Variants in PDE4A observed in about 807,000 individuals in gnomAD.
PDE4A encodes the protein phosphodiesterase 4A.
PDE4A carries 21 observed loss-of-function variants against 73.9 expected under a neutral mutation model. The observed-to-expected ratio is 0.28, with a 90% confidence interval of 0.20 to 0.41. The LOEUF is 0.41. Among genes scored for constraint, PDE4A ranks in the 10% least tolerant of loss-of-function variants. PDE4A has a pLI of 1.00. For synonymous variants in PDE4A, 463 were observed against 505.4 expected, an observed-to-expected ratio of 0.92 and a Z score of 1.13; for missense variants, 958 against 1,211.4, an observed-to-expected ratio of 0.79 and a Z score of 3.10.
chr19:10,424,517 T>A lies in PDE4A; in HGVS notation c.320+3433T>A, dbSNP rs2042689400. 1.3e-5 allele frequency among the ~76,000 whole-genome samples: 2 copies of A among 152,262 alleles called. No homozygotes were observed. The highest frequency in any genetic ancestry group is 4.8e-5 in the African/African-American group (2 of 41,472). ...CGACGAGGAAGGCACAGCCTGGGTG[T>A]GCGCTCCGAGCGCGGACCTGCTCCA... On this transcript the variant is annotated intron_variant, in intron 1 of 14. Coordinates refer to ENST00000380702, the MANE Select transcript of PDE4A (RefSeq NM_001111307.2). The surrounding 1 kb of genome is among the most constrained non-coding windows in gnomAD (Gnocchi z 4.8).
chr19:10,464,388 G>T (rs758265871), intron 14 of PDE4A: 7 of 455,194 alleles, frequency 1.5e-5, no homozygotes, highest in Non-Finnish European at 3.1e-5. Context: ...GAGCCACTGC[G>T]CCCAGCCTCC....
At chr19:10,446,817 C>G (rs919465150) in intron 2 of PDE4A, among the ~76,000 whole-genome samples, 38 of 152,090 alleles carry the variant, frequency 2.5e-4, no homozygotes, top group Non-Finnish European at 4.7e-4. Context: ...TGGTCTCAAA[C>G]TCCTGACCTC....
At chr19:10,440,811 G>A (rs898757309) in intron 1 of PDE4A, among the ~76,000 whole-genome samples, 2 of 151,850 alleles carry the variant, frequency 1.3e-5, no homozygotes, top group South Asian at 4.2e-4. Context: ...TGTTAGCCAG[G>A]ATGGGCTCGA....
In PDE4A at chr19:10,461,048, T is replaced by C; in HGVS notation, c.1410T>C (p.Ala470=). The C allele has an allele frequency of 1.2e-6, 2 of 1,613,814 alleles. No individual in the cohort carries two copies. The highest frequency in any genetic ancestry group is 1.7e-6 in the Non-Finnish European group (2 of 1,179,748). ...AGATTCTCGCCGCCCTCTTCGCGGC[T>C]GCCATCCACGATGTGGATCACCCTG... The part of the protein sequence containing the change: ...DLEILAALFA[A]AIHDVDHPGV... The change falls in exon 11 of 15, where the codon GCT becomes GCC. Residue 470 remains alanine (A), a synonymous_variant. Transcript: ENST00000380702.
chr19:10,442,528 ACAAAACAAAG>A (rs1447261168), intron 1 of PDE4A, among the ~76,000 whole-genome samples: 1 of 151,486 alleles, frequency 6.6e-6, no homozygotes, highest in Admixed American at 6.6e-5. Flanking sequence ...TGTCTCAAAA[ACAAAACAAAG>A]CAAAACAAAA....
At chr19:10,455,237 C>T (rs998555675) in intron 7 of PDE4A, among the ~76,000 whole-genome samples, 7 of 151,950 alleles carry the variant, frequency 4.6e-5, no homozygotes, top group Non-Finnish European at 7.4e-5. Flanking sequence ...CTGAGGCAGG[C>T]GGATCACTTG....
At chr19:10,419,056 CTTTTTT>C (rs977830124), upstream of PDE4A, 5,068 of 816,412 alleles carry the variant, frequency 6.2e-3, 153 homozygotes, top group African/African-American at 0.14. Flanking sequence ...GACCGGCAGT[CTTTTTT>C]TTTTTTTTTT....
chr19:10,430,234 C>T (rs529503428), intron 1 of PDE4A, among the ~76,000 whole-genome samples: 1 of 152,000 alleles, frequency 6.6e-6, no homozygotes, highest in East Asian at 1.9e-4. Context: ...TTGGGGGCAT[C>T]CCTGGCATTT....
At chr19:10,417,622 G>C, upstream of PDE4A, 1 of 1,547,200 alleles carries the variant, frequency 6.5e-7, no homozygotes, top group Admixed American at 1.9e-5. Context: ...GAGCTTCCCA[G>C]CCAGGCCACG....
intron 1 of PDE4A, chr19:10,432,311 C>A: frequency 8.2e-7 from 1 of 1,225,484 alleles, no homozygotes; most frequent in Non-Finnish European, 1.0e-6. Flanking sequence ...CTGGGGGGGT[C>A]ACCAGAGGCG....
At chr19:10,442,749 T>G (rs894338894) in intron 1 of PDE4A, among the ~76,000 whole-genome samples, 1 of 149,202 alleles carries the variant, frequency 6.7e-6, no homozygotes, top group African/African-American at 2.4e-5. Flanking sequence ...ACCTTATTAC[T>G]ATTATTACAT....
chr19:10,469,445 C>T lies in PDE4A; in HGVS notation c.*1824C>T, dbSNP rs1464878595. On this transcript the variant is annotated 3_prime_UTR_variant, in exon 15 of 15. Coordinates refer to ENST00000380702, the MANE Select transcript of PDE4A (RefSeq NM_001111307.2). ...GGCTGGGCAGAGCCTGTCCCCTCCCCCCTTCTCCAGGAGCCAGGGGGTGAC... is the reference window on the plus strand; with the variant it reads ...GGCTGGGCAGAGCCTGTCCCCTCCCTCCTTCTCCAGGAGCCAGGGGGTGAC... The T allele has an allele frequency of 6.6e-6, 1 of 152,288 alleles. No individual in the cohort carries two copies. The highest frequency in any genetic ancestry group is 2.4e-5 in the African/African-American group (1 of 41,406). The allele number at this position is 152,288 out of a possible 1,614,324, so 9.4% of individuals were successfully genotyped here.
At chr19:10,419,043 G>A (rs2042613838), upstream of PDE4A, 2 of 798,906 alleles carry the variant, frequency 2.5e-6, no homozygotes, top group African/African-American at 1.9e-5. Context: ...TGTGGGGGTT[G>A]AAGACCGGCA....
Position 10,446,790 on chromosome 19 carries a change from C to T in PDE4A, c.512+381C>T, listed in dbSNP as rs1195793125. ...TGTATTTTTAGTAGAGACAGGGTTT[C>T]ACCATGTTGGCCAGGCTGGTCTCAA... On this transcript the variant is annotated intron_variant, in intron 2 of 14. Transcript: ENST00000380702. 4.0e-5 allele frequency among the ~76,000 whole-genome samples: 6 copies of T among 151,490 alleles called. No homozygotes were observed. In the East Asian group the frequency reaches 7.8e-4, roughly 20 times the overall value.
Position 10,458,062 on chromosome 19 carries a change from G to A in PDE4A, c.1061G>A (p.Arg354Gln), listed in dbSNP as rs1269711202. The stretch of plus-strand genomic sequence containing the variant: ...AGCCTGAACAACTCTAACATTCCCC[G>A]ATTTGGGGTGAAGACCGATCAAGAA... ...SNSLNNSNIP[R>Q]FGVKTDQEEL... The change falls in exon 8 of 15, where the codon CGA becomes CAA. Residue 354 changes from arginine (R) to glutamine (Q), a missense_variant. Arg to Gln is a conservative substitution (Grantham distance 43). Coordinates refer to ENST00000380702, the MANE Select transcript of PDE4A (RefSeq NM_001111307.2). The surrounding 1 kb of genome is among the most constrained non-coding windows in gnomAD (Gnocchi z 4.6). 8.7e-6 allele frequency: 14 copies of A among 1,613,708 alleles called. No individual in the cohort carries two copies. The South Asian group carries it at 9.9e-5, about 11-fold the overall frequency.
intron 7 of PDE4A, among the ~76,000 whole-genome samples, chr19:10,457,402 T>TC (rs1401157107): frequency 8.4e-6 from 1 of 119,726 alleles, no homozygotes; most frequent in Non-Finnish European, 1.6e-5. Flanking sequence ...CCTGGGGCTG[T>TC]CCCCCAGGCA....
At chr19:10,419,298 A>C (rs1277837178), upstream of PDE4A, among the ~76,000 whole-genome samples, 2 of 15,760 alleles carry the variant, frequency 1.3e-4, no homozygotes, top group East Asian at 1.4e-3. Context: ...GGGGGGGTTG[A>C]GGGGGATGGG....
intron 1 of PDE4A, chr19:10,432,579 G>T: frequency 6.6e-7 from 1 of 1,517,196 alleles, no homozygotes; most frequent in Non-Finnish European, 8.8e-7. Context: ...CAGGTGGGTG[G>T]CCCGTGGCCA....
In PDE4A at chr19:10,420,774, C is replaced by G. The variant is rs773511169; in HGVS notation, c.10C>G (p.Pro4Ala). Reference protein sequence around the residue: MEPPTVPSERSLSL... With the variant: MEPATVPSERSLSL... ...AGTGGGGGCCGGCGCCATGGAACCC[C>G]CGACCGTCCCCTCGGAAAGGAGCCT... Residue 4 changes from proline (P) to alanine (A), a missense_variant, in exon 1 of 15, where the codon CCG (proline) becomes GCG (alanine). Pro to Ala is a conservative substitution (Grantham distance 27). Transcript: ENST00000380702. The surrounding 1 kb of genome is among the most constrained non-coding windows in gnomAD (Gnocchi z 6.0). 156 of 1,571,064 alleles carry G rather than the reference C, an allele frequency of 9.9e-5. No individual in the cohort carries two copies. Among genetic ancestry groups the G allele is most frequent in the Non-Finnish European group, 1.3e-4 (148 of 1,168,718 alleles).
Sources: allele counts gnomAD v4.1 joint callset (sites outside exome capture counted in the v4.1 genomes callset), GRCh38; gene constraint gnomAD v4.1.1; non-coding constraint Gnocchi (gnomAD v3.1); transcripts MANE v1.5; gene names NCBI Gene and HGNC (gene_info 2026-07-23, HGNC 2026-07-21).